FMO3: variants seen among roughly 807,000 people sequenced by gnomAD.
FMO3 encodes flavin-containing monooxygenase 3.
Under a neutral mutation model 39.4 loss-of-function variants are expected in FMO3, and 40 were observed. The ratio of observed to expected loss-of-function variants is 1.02; its 90% confidence interval spans 0.79 to 1.32. FMO3 has a LOEUF of 1.32. FMO3 is among the 40% of genes most tolerant of loss of function. FMO3 has a pLI of 0.00. For missense variants in FMO3, 680 were observed against 651.8 expected (o/e 1.04, Z -0.47); for synonymous variants, 219 against 228.8 (o/e 0.96, Z 0.39).
chr1:171,116,228 A>G lies in FMO3; in HGVS notation c.1204A>G (p.Met402Val), dbSNP rs141117096. 329 of 1,605,704 alleles carry G rather than the reference A, an allele frequency of 2.0e-4. No individual in the cohort carries two copies. The highest frequency in any genetic ancestry group is 1.5e-4 in the Non-Finnish European group (181 of 1,172,794). The change falls in exon 8 of 9, where the codon ATG becomes GTG. Residue 402 changes from methionine to valine, a missense_variant. Coordinates refer to ENST00000367755, the MANE Select transcript of FMO3 (RefSeq NM_001002294.3). ...ATCAGGAACTTGTACTTTGCCTTCT[A>G]TGGAAGACATGATGAATGATATTAA... ...VIKGTCTLPSMEDMMNDINEK... is the reference protein window; with the variant it reads ...VIKGTCTLPSVEDMMNDINEK...
chr1:171,117,027 C>T (rs1243026360), intron 8 of FMO3, 73 bp from the exon 9 acceptor site: 11 of 1,146,726 alleles, frequency 9.6e-6, no homozygotes, highest in South Asian at 6.2e-5. Flanking sequence ...TATAAAGTTG[C>T]GAGCCATTTT....
Position 171,096,512 on chromosome 1 carries a change from AAATACATAATATACTT to A in FMO3, c.132+3723_132+3738del, listed in dbSNP as rs1186617966. Among the ~76,000 whole-genome samples, 38 of 103,886 alleles carry A rather than the reference AAATACATAATATACTT, an allele frequency of 3.7e-4. 2 individuals are homozygous for A. Among genetic ancestry groups the A allele is most frequent in the Non-Finnish European group, 4.9e-4 (29 of 58,906 alleles). The allele number at this position is 103,886 out of a possible 152,430, so 68.2% of individuals were successfully genotyped here. A position where few individuals can be genotyped will look rare whatever the true frequency, so the allele number is the denominator to read the frequency against. Reference sequence around the variant, plus strand: ...AAATACATAATATACTTTATATATTAAATACATAATATACTTTATATATTAAATACATACTATACTT... The same window carrying A: ...AAATACATAATATACTTTATATATTATATATATTAAATACATACTATACTT... On this transcript the variant is annotated intron_variant, in intron 2 of 8. Transcript: ENST00000367755.
chr1:171,109,908 A>G (rs929974382), intron 5 of FMO3, among the ~76,000 whole-genome samples: 1 of 152,140 alleles, frequency 6.6e-6, no homozygotes, highest in African/African-American at 2.4e-5. Context: ...GCATATAAAA[A>G]TTGGTTTTAA....
chr1:171,091,356 AGTTT>A (rs879461977), intron 1 of FMO3, among the ~76,000 whole-genome samples: 11 of 152,152 alleles, frequency 7.2e-5, no homozygotes, highest in Non-Finnish European at 1.2e-4. Flanking sequence ...TAATTCAGGC[AGTTT>A]GTTTGTTTCT....
chr1:171,093,473 G>A (rs148974815), intron 2 of FMO3, among the ~76,000 whole-genome samples: 24 of 149,954 alleles, frequency 1.6e-4, no homozygotes, highest in African/African-American at 4.8e-4. Context: ...CTGTATTCTC[G>A]CTGGGTAGTA....
intron 3 of FMO3, among the ~76,000 whole-genome samples, chr1:171,106,081 A>G (rs1044884907): frequency 2.0e-5 from 3 of 152,164 alleles, no homozygotes; most frequent in African/African-American, 7.2e-5. Context: ...AAATGTTAAC[A>G]TATCAGACAG....
chr1:171,108,475 C>T (rs1266721687), intron 5 of FMO3, among the ~76,000 whole-genome samples: 2 of 152,086 alleles, frequency 1.3e-5, no homozygotes, highest in Non-Finnish European at 2.9e-5. Context: ...CCTAATATCT[C>T]GGATCAATTT....
At chr1:171,094,366 T>C (rs558514502) in intron 2 of FMO3, among the ~76,000 whole-genome samples, 5 of 152,244 alleles carry the variant, frequency 3.3e-5, no homozygotes, top group African/African-American at 9.6e-5. Flanking sequence ...CTGATATTTG[T>C]CTTTTGTTGA....
At chr1:171,108,711 T>C (rs1655761486) in intron 5 of FMO3, among the ~76,000 whole-genome samples, 2 of 152,164 alleles carry the variant, frequency 1.3e-5, no homozygotes, top group South Asian at 2.1e-4. Context: ...TGACTACTTA[T>C]TGAGGGCCTA....
intron 2 of FMO3, among the ~76,000 whole-genome samples, chr1:171,097,276 C>G (rs1571205464): frequency 8.4e-6 from 1 of 118,904 alleles, no homozygotes; most frequent in Non-Finnish European, 1.7e-5. Flanking sequence ...TTTATAGCAG[C>G]ATGATTTATA....
chr1:171,095,190 C>T (rs1040930766), intron 2 of FMO3, among the ~76,000 whole-genome samples: 1 of 152,104 alleles, frequency 6.6e-6, no homozygotes, highest in Non-Finnish European at 1.5e-5. Flanking sequence ...TTTTCCCATT[C>T]ATTTGGTGAG....
At chr1:171,109,264 G>A (rs1655791359) in intron 5 of FMO3, among the ~76,000 whole-genome samples, 1 of 152,180 alleles carries the variant, frequency 6.6e-6, no homozygotes, top group African/African-American at 2.4e-5. Context: ...CCAAGGAACA[G>A]TAGTCATAGG....
Position 171,090,928 on chromosome 1 carries a change from G to A in FMO3, c.-60G>A, listed in dbSNP as rs1654671583. 1 of 152,256 alleles carries A rather than the reference G, an allele frequency of 6.6e-6. No homozygotes were observed. Among genetic ancestry groups the A allele is most frequent in the Admixed American group, 6.5e-5 (1 of 15,276 alleles). The allele number at this position is 152,256 out of a possible 1,614,324, so 9.4% of individuals were successfully genotyped here. A position where few individuals can be genotyped will look rare whatever the true frequency, so the allele number is the denominator to read the frequency against. ...TCAAACTGCCCAGACGGTTGGACAG[G>A]ACGTAGACACACAGAAGAAAAGAAG... On this transcript the variant is annotated 5_prime_UTR_variant, in exon 1 of 9. Transcript: ENST00000367755.
chr1:171,114,422 A>G, intron 7 of FMO3, 60 bp downstream of exon 7: 1 of 1,256,448 alleles, frequency 8.0e-7, no homozygotes, highest in Non-Finnish European at 1.1e-6. Context: ...ATAACTTTGG[A>G]TCTTTGTGAA....
chr1:171,106,721 T>C (rs1344800672), intron 3 of FMO3, among the ~76,000 whole-genome samples: 2 of 152,124 alleles, frequency 1.3e-5, no homozygotes, highest in African/African-American at 4.8e-5. Flanking sequence ...CAAAAGAATA[T>C]ATAAATTACT....
chr1:171,095,490 T>A (rs889885463), intron 2 of FMO3, among the ~76,000 whole-genome samples: 23 of 151,856 alleles, frequency 1.5e-4, no homozygotes, highest in African/African-American at 5.3e-4. Context: ...CCCATTAATA[T>A]ATATGCAAAT....
chr1:171,092,480 C>T (rs1178535741), intron 1 of FMO3, among the ~76,000 whole-genome samples, 173 bp from the exon 2 acceptor site: 1 of 152,210 alleles, frequency 6.6e-6, no homozygotes, highest in Non-Finnish European at 1.5e-5. Context: ...ATCCTCCCAC[C>T]TCAGCCTCCC....
intron 2 of FMO3, among the ~76,000 whole-genome samples, chr1:171,102,262 T>C (rs536683465): frequency 9.2e-5 from 14 of 152,332 alleles, no homozygotes; most frequent in Middle Eastern, 3.4e-3. Context: ...TTCAGTTAGA[T>C]GAGCTCTAAT....
intron 2 of FMO3, among the ~76,000 whole-genome samples, chr1:171,103,561 A>G (rs1331573209): frequency 1.3e-5 from 2 of 152,216 alleles, no homozygotes; most frequent in Admixed American, 1.3e-4. Context: ...ATTAGGTATT[A>G]TAAGTAACCT....
Sources: allele counts gnomAD v4.1 joint callset (sites outside exome capture counted in the v4.1 genomes callset), GRCh38; gene constraint gnomAD v4.1.1; transcripts MANE v1.5; gene names NCBI Gene and HGNC (gene_info 2026-07-23, HGNC 2026-07-21).